Variants in SCFD2 observed in about 807,000 individuals in gnomAD.
SCFD2 encodes the protein sec1 family domain containing 2.
SCFD2 carries 54 observed loss-of-function variants against 58.9 expected under a neutral mutation model. The observed-to-expected ratio is 0.92, with a 90% CI of 0.74 to 1.15. SCFD2 has a LOEUF of 1.15. Ranked by LOEUF, SCFD2 falls within the 50% of genes most tolerant of loss-of-function variation. The pLI is 0.00. For missense variants in SCFD2, 805 were observed against 836.6 expected, an observed-to-expected ratio of 0.96 and a Z score of 0.47; for synonymous variants, 321 against 335.9, an observed-to-expected ratio of 0.96 and a Z score of 0.49.
chr4:53,102,014 C>A (rs1724844077), intron 5 of SCFD2, among the ~76,000 whole-genome samples: 1 of 152,122 alleles, frequency 6.6e-6, no homozygotes, highest in South Asian at 2.1e-4. Context: ...AAACCTACCA[C>A]AAAATCTGTA....
chr4:53,236,956 C>A (rs1312120367), intron 4 of SCFD2, among the ~76,000 whole-genome samples: 3 of 151,362 alleles, frequency 2.0e-5, no homozygotes, highest in African/African-American at 7.3e-5. Flanking sequence ...GAACAAAGGT[C>A]TCTGGTTTTC....
chr4:53,363,847 A>G (rs1734622733), intron 1 of SCFD2, among the ~76,000 whole-genome samples: 1 of 143,490 alleles, frequency 7.0e-6, no homozygotes, highest in Non-Finnish European at 1.5e-5. Context: ...AAAAAAAAGC[A>G]TTACCTACTG....
At chr4:53,352,044 T>C (rs1734236064) in intron 2 of SCFD2, among the ~76,000 whole-genome samples, 1 of 152,212 alleles carries the variant, frequency 6.6e-6, no homozygotes, top group African/African-American at 2.4e-5. Flanking sequence ...GTGACTATCA[T>C]ATATTTTCAT....
chr4:53,104,144 G>C (rs112777432), intron 5 of SCFD2, among the ~76,000 whole-genome samples: 1,927 of 152,190 alleles, frequency 0.013, 41 homozygotes, highest in African/African-American at 0.044. Context: ...ACTTCCTAAA[G>C]AGTTGAGTAT....
intron 4 of SCFD2, among the ~76,000 whole-genome samples, chr4:53,243,078 C>T (rs1379751281): frequency 6.6e-6 from 1 of 152,178 alleles, no homozygotes; most frequent in African/African-American, 2.4e-5. Flanking sequence ...TCCATGAGAA[C>T]TTCCCCAACC....
intron 5 of SCFD2, among the ~76,000 whole-genome samples, chr4:53,137,913 G>A (rs1361271785): frequency 6.6e-6 from 1 of 152,172 alleles, no homozygotes; most frequent in Non-Finnish European, 1.5e-5. Context: ...GGTGTGCCAA[G>A]CTGCTGCTTC....
intron 2 of SCFD2, among the ~76,000 whole-genome samples, chr4:53,342,133 A>C (rs1457246091): frequency 2.6e-5 from 4 of 152,218 alleles, no homozygotes; most frequent in African/African-American, 9.6e-5. Flanking sequence ...TAAATGGGCT[A>C]AATGCTCCAA....
At chr4:53,165,048 C>T (rs1162577603) in intron 4 of SCFD2, among the ~76,000 whole-genome samples, 1 of 152,168 alleles carries the variant, frequency 6.6e-6, no homozygotes, top group Non-Finnish European at 1.5e-5. Context: ...CTGGAATGCG[C>T]TTTTCTTCCA....
chr4:53,166,280 A>G (rs1335388169), intron 4 of SCFD2, among the ~76,000 whole-genome samples: 3 of 152,270 alleles, frequency 2.0e-5, no homozygotes, highest in Non-Finnish European at 4.4e-5. Context: ...GTATCTGTAT[A>G]TCTTTTTGAT....
chr4:53,314,601 T>TAA (rs1284408645), intron 2 of SCFD2, among the ~76,000 whole-genome samples: 3 of 152,150 alleles, frequency 2.0e-5, no homozygotes, highest in African/African-American at 4.8e-5. Flanking sequence ...TTCCTCCAAT[T>TAA]AAAGCCCTAC....
At chr4:53,292,155 A>C (rs1731862190) in intron 3 of SCFD2, among the ~76,000 whole-genome samples, 2 of 152,208 alleles carry the variant, frequency 1.3e-5, no homozygotes, top group Middle Eastern at 3.4e-3. Context: ...ATTTCATGAG[A>C]CGAAAATGTC....
At chr4:52,986,134 C>T (rs1251335121) in intron 5 of SCFD2, among the ~76,000 whole-genome samples, 1 of 152,124 alleles carries the variant, frequency 6.6e-6, no homozygotes, top group African/African-American at 2.4e-5. Flanking sequence ...CCTCTTCCCT[C>T]CAGAGCTGAG....
chr4:52,880,750 C>T (rs1242485573), intron 8 of SCFD2, among the ~76,000 whole-genome samples: 1 of 152,270 alleles, frequency 6.6e-6, no homozygotes, highest in African/African-American at 2.4e-5. Flanking sequence ...AACTTTCCCA[C>T]TGGCCTTCCC....
intron 5 of SCFD2, among the ~76,000 whole-genome samples, chr4:53,126,086 T>C (rs771895965): frequency 7.2e-5 from 11 of 152,160 alleles, no homozygotes; most frequent in African/African-American, 1.7e-4. Context: ...AAAACTAATA[T>C]GAAGTTTCGC....
At chr4:53,317,844 T>C (rs1440085937) in intron 2 of SCFD2, among the ~76,000 whole-genome samples, 2 of 152,174 alleles carry the variant, frequency 1.3e-5, no homozygotes, top group Non-Finnish European at 2.9e-5. Flanking sequence ...CAGTAAGCTG[T>C]TATAAGAATC....
At chr4:53,210,578 C>G (rs1189998845) in intron 4 of SCFD2, among the ~76,000 whole-genome samples, 1 of 151,006 alleles carries the variant, frequency 6.6e-6, no homozygotes, top group Non-Finnish European at 1.5e-5. Context: ...TAAAACAATA[C>G]CACTCATCTC....
intron 2 of SCFD2, among the ~76,000 whole-genome samples, chr4:53,318,246 T>A (rs917551983): frequency 1.3e-5 from 2 of 152,240 alleles, no homozygotes; most frequent in African/African-American, 4.8e-5. Context: ...GTGTTTTTCT[T>A]ACAAAGACTT....
At chr4:53,175,304 A>T (rs1727295511) in intron 4 of SCFD2, among the ~76,000 whole-genome samples, 1 of 152,198 alleles carries the variant, frequency 6.6e-6, no homozygotes. Context: ...GTTTTCAGGG[A>T]CTAGGAAATT....
At chr4:52,879,188 A>G (rs1443550940) in intron 8 of SCFD2, among the ~76,000 whole-genome samples, 2 of 152,218 alleles carry the variant, frequency 1.3e-5, no homozygotes. Context: ...GGCATCCAGG[A>G]CACTCAAGAG....
Sources: gnomAD v4.1 joint callset for allele counts (sites outside exome capture counted in the v4.1 genomes callset) on GRCh38, gnomAD v4.1.1 for gene constraint, MANE v1.5 for transcripts, NCBI Gene and HGNC (gene_info 2026-07-23, HGNC 2026-07-21) for gene names.